The following SDC2 variants were observed in gnomAD, a reference collection of about 807,000 sequenced individuals.
SDC2 encodes the protein syndecan 2, also known as syndecan-2.
A neutral mutation model predicts 22.2 loss-of-function variants in SDC2; 13 were observed. The ratio of observed to expected loss-of-function variants is 0.59; its 90% confidence interval spans 0.38 to 0.93. SDC2 has a LOEUF of 0.93. SDC2 is among the 40% of genes least tolerant of loss of function. The pLI is 0.00. For missense variants in SDC2, 235 were observed against 246.8 expected, an observed-to-expected ratio of 0.95 and a Z score of 0.32; for synonymous variants, 94 against 92.8, an observed-to-expected ratio of 1.01 and a Z score of -0.07.
chr8:96,536,535 C>T (rs912450285), intron 1 of SDC2, among the ~76,000 whole-genome samples: 23 of 151,344 alleles, frequency 1.5e-4, no homozygotes, highest in Middle Eastern at 3.4e-3. Flanking sequence ...TTGCCTAGGC[C>T]AATCTCCAAC....
At chr8:96,596,166 A>G (rs2704271) in intron 2 of SDC2, among the ~76,000 whole-genome samples, 51,754 of 152,060 alleles carry the variant, frequency 0.34, 9,135 homozygotes, top group East Asian at 0.59. Context: ...AGGTCACACT[A>G]TTAGAAGGTA....
At chr8:96,578,251 G>T (rs1477172902) in intron 1 of SDC2, among the ~76,000 whole-genome samples, 1 of 152,184 alleles carries the variant, frequency 6.6e-6, no homozygotes, top group South Asian at 2.1e-4. Context: ...ATTCTCTTTA[G>T]AGCTGCACTG....
chr8:96,535,860 G>C (rs1813746338), intron 1 of SDC2, among the ~76,000 whole-genome samples: 1 of 152,332 alleles, frequency 6.6e-6, no homozygotes, highest in East Asian at 1.9e-4. Context: ...ATGGGTTTTG[G>C]GGATGGAGAC....
chr8:96,576,797 C>G (rs1009334131), intron 1 of SDC2, among the ~76,000 whole-genome samples: 2 of 151,942 alleles, frequency 1.3e-5, no homozygotes, highest in Non-Finnish European at 2.9e-5. Flanking sequence ...GATACTTGAC[C>G]CCTGAGGATT....
intron 1 of SDC2, among the ~76,000 whole-genome samples, chr8:96,514,000 A>G (rs146807940): frequency 6.6e-6 from 1 of 152,336 alleles, no homozygotes; most frequent in Non-Finnish European, 1.5e-5. Flanking sequence ...GTGCTGAGCA[A>G]CTTAAACTAT....
intron 1 of SDC2, among the ~76,000 whole-genome samples, chr8:96,520,347 G>GT (rs1193551779): frequency 3.9e-5 from 6 of 152,106 alleles, no homozygotes; most frequent in Non-Finnish European, 5.9e-5. Flanking sequence ...AGAAATTAGC[G>GT]TGAGATCTAT....
intron 1 of SDC2, among the ~76,000 whole-genome samples, chr8:96,496,864 G>A (rs1002324600): frequency 6.6e-6 from 1 of 152,190 alleles, no homozygotes; most frequent in Non-Finnish European, 1.5e-5. Context: ...AGGCAGCTGG[G>A]AAAGCCTGTT....
intron 2 of SDC2, among the ~76,000 whole-genome samples, chr8:96,596,761 A>T (rs1480814448): frequency 2.6e-5 from 4 of 152,244 alleles, no homozygotes; most frequent in Admixed American, 6.5e-5. Context: ...GCATGAACTC[A>T]TAAGGACAAA....
intron 1 of SDC2, among the ~76,000 whole-genome samples, chr8:96,504,526 G>C (rs1001109704): frequency 6.6e-6 from 1 of 152,134 alleles, no homozygotes; most frequent in African/African-American, 2.4e-5. Context: ...TGTGAAACTG[G>C]GATTAGAATA....
chr8:96,580,876 T>C (rs933148901), intron 1 of SDC2, among the ~76,000 whole-genome samples: 3 of 152,204 alleles, frequency 2.0e-5, no homozygotes, highest in African/African-American at 4.8e-5. Context: ...GGGATTTTTA[T>C]AAAATAGTGT....
chr8:96,522,957 AG>A (rs1349068027), intron 1 of SDC2, among the ~76,000 whole-genome samples: 1 of 152,174 alleles, frequency 6.6e-6, no homozygotes, highest in Non-Finnish European at 1.5e-5. Context: ...GCTTTTGCCT[AG>A]GGTTGGAATT....
At chr8:96,582,012 A>T (rs955764382) in intron 1 of SDC2, among the ~76,000 whole-genome samples, 1 of 152,212 alleles carries the variant, frequency 6.6e-6, no homozygotes, top group Non-Finnish European at 1.5e-5. Flanking sequence ...GAAGCATGTC[A>T]GTTTGACCGG....
At chr8:96,604,125 A>G (rs1815038538) in intron 3 of SDC2, among the ~76,000 whole-genome samples, 2 of 152,182 alleles carry the variant, frequency 1.3e-5, no homozygotes, top group Admixed American at 1.3e-4. Flanking sequence ...ATTAGGACTC[A>G]CTAGCTTGAG....
At chr8:96,564,229 A>G (rs771839145) in intron 1 of SDC2, among the ~76,000 whole-genome samples, 12 of 152,178 alleles carry the variant, frequency 7.9e-5, no homozygotes, top group Non-Finnish European at 1.6e-4. Flanking sequence ...GTAATTGTCA[A>G]CCACCTGTAT....
chr8:96,594,771 G>T (rs1315803600), intron 2 of SDC2, among the ~76,000 whole-genome samples: 2 of 152,186 alleles, frequency 1.3e-5, no homozygotes, highest in East Asian at 3.9e-4. Flanking sequence ...GCCTGGGGAG[G>T]TCTCAGGAAA....
intron 2 of SDC2, among the ~76,000 whole-genome samples, chr8:96,593,891 G>A (rs938913198): frequency 1.3e-5 from 2 of 152,112 alleles, no homozygotes; most frequent in Admixed American, 6.5e-5. Flanking sequence ...CTTAGATTTG[G>A]GGGCTTGGCA....
intron 3 of SDC2, among the ~76,000 whole-genome samples, chr8:96,605,776 G>T (rs987677801): frequency 5.9e-5 from 9 of 152,112 alleles, no homozygotes; most frequent in African/African-American, 2.2e-4. Flanking sequence ...ACTGAGACAG[G>T]GACCTATTGA....
intron 1 of SDC2, among the ~76,000 whole-genome samples, chr8:96,569,579 C>T (rs572273646): frequency 1.3e-5 from 2 of 152,286 alleles, no homozygotes; most frequent in Admixed American, 1.3e-4. Flanking sequence ...TAAAATGAAG[C>T]TGTAAAAGTT....
intron 1 of SDC2, among the ~76,000 whole-genome samples, chr8:96,506,880 G>A (rs1813248407): frequency 6.6e-6 from 1 of 151,872 alleles, no homozygotes; most frequent in African/African-American, 2.4e-5. Flanking sequence ...GTGGTGGCGG[G>A]CGCCTGTAGT....
Sources: gnomAD v4.1 joint callset for allele counts (sites outside exome capture counted in the v4.1 genomes callset) on GRCh38, gnomAD v4.1.1 for gene constraint, MANE v1.5 for transcripts, NCBI Gene and HGNC (gene_info 2026-07-23, HGNC 2026-07-21) for gene names.